Variants in MAN1A2 observed in about 807,000 individuals in gnomAD.
MAN1A2 encodes the protein mannosidase alpha class 1A member 2.
A neutral mutation model predicts 75.7 loss-of-function variants in MAN1A2; 26 were observed. That is an observed-to-expected ratio of 0.34 (90% CI 0.25 to 0.48). The LOEUF (loss-of-function observed/expected upper bound fraction) is 0.48. Ranked by LOEUF, MAN1A2 falls within the 20% of genes least tolerant of loss-of-function variation. The probability of loss-of-function intolerance (pLI) is 0.99; values close to 1 mark genes in which losing one functional copy is unlikely to be tolerated. For missense variants in MAN1A2, 562 were observed against 775.5 expected (o/e 0.72, Z 3.27); for synonymous variants, 247 against 264.6 (o/e 0.93, Z 0.65).
At chr1:117,476,986 A>G (rs1650334217) in intron 8 of MAN1A2, among the ~76,000 whole-genome samples, 1 of 152,112 alleles carries the variant, frequency 6.6e-6, no homozygotes, top group African/African-American at 2.4e-5. Flanking sequence ...CTTCATATTC[A>G]TAAGCATGGA....
chr1:117,405,199 A>G (rs1408498020), intron 2 of MAN1A2, among the ~76,000 whole-genome samples: 1 of 152,168 alleles, frequency 6.6e-6, no homozygotes, highest in Non-Finnish European at 1.5e-5. Context: ...AGGGTGAGTT[A>G]ATTGGTGGTA....
intron 12 of MAN1A2, among the ~76,000 whole-genome samples, chr1:117,519,721 C>T (rs982087011): frequency 2.0e-5 from 3 of 151,946 alleles, no homozygotes; most frequent in African/African-American, 4.8e-5. Context: ...CAGGAACAGA[C>T]GGATTCACAG....
rs182990642 is a variant in MAN1A2, at chr1:117,438,068, T to C, written c.856-4163T>C. On this transcript the variant is annotated intron_variant, in intron 5 of 12. Transcript: ENST00000356554. Reference sequence around the variant, plus strand: ...AATAAGATAGATATGTGAGAGAGCATGTATGTATACACATATACAGTCATG... The same window carrying C: ...AATAAGATAGATATGTGAGAGAGCACGTATGTATACACATATACAGTCATG... Among the ~76,000 whole-genome samples, 108 of 152,330 alleles carry C rather than the reference T, an allele frequency of 7.1e-4. 1 individual carries two copies. The East Asian group carries it at 0.016, about 23-fold the overall frequency.
intron 1 of MAN1A2, among the ~76,000 whole-genome samples, chr1:117,390,479 G>A (rs1229124479): frequency 6.6e-6 from 1 of 151,738 alleles, no homozygotes; most frequent in African/African-American, 2.4e-5. Context: ...TCTCATTGCT[G>A]ATATTGGTAG....
chr1:117,442,154 A>T (rs2306444), intron 5 of MAN1A2, 77 bp from the exon 6 acceptor site: 266,180 of 913,300 alleles, frequency 0.29, 41,600 homozygotes, highest in East Asian at 0.47. Flanking sequence ...TGTGCTATGT[A>T]TACTATGAGA....
intron 6 of MAN1A2, among the ~76,000 whole-genome samples, chr1:117,445,761 A>G (rs1277900544): frequency 2.0e-5 from 3 of 151,010 alleles, no homozygotes; most frequent in African/African-American, 4.9e-5. Flanking sequence ...TCCCGAGCTC[A>G]AGTGATCCTC....
At chr1:117,466,465 T>C (rs1244340694) in intron 8 of MAN1A2, 38 bp downstream of exon 8, 4 of 1,351,188 alleles carry the variant, frequency 3.0e-6, no homozygotes, top group Non-Finnish European at 4.1e-6. Flanking sequence ...TCTTAAAAAA[T>C]TATTTGTCTG....
intron 6 of MAN1A2, among the ~76,000 whole-genome samples, chr1:117,451,364 C>T (rs563040777): frequency 1.3e-5 from 2 of 152,360 alleles, no homozygotes; most frequent in South Asian, 2.1e-4. Context: ...TTTGACTTTA[C>T]AGGCATGTAG....
intron 7 of MAN1A2, among the ~76,000 whole-genome samples, chr1:117,464,301 A>G (rs866271357): frequency 3.3e-5 from 5 of 150,322 alleles, no homozygotes; most frequent in Non-Finnish European, 7.4e-5. Context: ...AGAGGTTGCA[A>G]TGAACTGAGA....
intron 4 of MAN1A2, among the ~76,000 whole-genome samples, chr1:117,417,783 A>G (rs1648054913): frequency 6.6e-6 from 1 of 151,206 alleles, no homozygotes; most frequent in South Asian, 2.1e-4. Flanking sequence ...GATAACCCTA[A>G]GTAGGCAGTT....
Position 117,402,312 on chromosome 1 carries a change from G to A in MAN1A2, c.429G>A (p.Lys143=). The part of the protein sequence containing the change: ...IRAEIQTEKN[K]VVQEMKIKEN... ...CAGAAATTCAGACAGAGAAAAATAA[G>A]GTAGTCCAAGAAATGAAGATAAAAG... is the stretch of plus-strand genomic sequence containing the variant. Residue 143 remains lysine (K), a synonymous_variant, in exon 2 of 13, where the codon AAG becomes AAA. Transcript: ENST00000356554. 1.9e-6 allele frequency: 3 copies of A among 1,613,680 alleles called. No homozygotes were observed. The South Asian group carries it at 3.3e-5, about 18-fold the overall frequency.
intron 6 of MAN1A2, among the ~76,000 whole-genome samples, chr1:117,452,264 G>A (rs868115554): frequency 4.6e-5 from 7 of 151,242 alleles, no homozygotes; most frequent in Non-Finnish European, 7.4e-5. Flanking sequence ...CTAAGATTGC[G>A]CCACTGCACG....
intron 8 of MAN1A2, among the ~76,000 whole-genome samples, chr1:117,476,971 T>C (rs964013213): frequency 6.6e-6 from 1 of 152,124 alleles, no homozygotes; most frequent in African/African-American, 2.4e-5. Flanking sequence ...TTCACGATAT[T>C]GATTCTTCAT....
At chr1:117,463,169 C>T (rs1207180237) in intron 7 of MAN1A2, among the ~76,000 whole-genome samples, 1 of 150,906 alleles carries the variant, frequency 6.6e-6, no homozygotes, top group Non-Finnish European at 1.5e-5. Flanking sequence ...AAAGACAGTA[C>T]AAATTCATCA....
intron 7 of MAN1A2, among the ~76,000 whole-genome samples, chr1:117,464,984 A>G (rs1649938038): frequency 6.6e-6 from 1 of 152,160 alleles, no homozygotes; most frequent in Non-Finnish European, 1.5e-5. Context: ...GTAAAAGAGC[A>G]ATTGAAAATT....
intron 12 of MAN1A2, among the ~76,000 whole-genome samples, chr1:117,504,593 C>G (rs952426147): frequency 6.6e-6 from 1 of 151,320 alleles, no homozygotes; most frequent in African/African-American, 2.4e-5. Context: ...ATAATGTTGT[C>G]TAATATGTAA....
intron 6 of MAN1A2, among the ~76,000 whole-genome samples, chr1:117,453,560 A>G (rs1408293329): frequency 1.3e-5 from 2 of 152,226 alleles, no homozygotes; most frequent in African/African-American, 4.8e-5. Context: ...ATGGGACCAA[A>G]TTACTGCAGT....
chr1:117,384,468 T>C (rs1025206572), intron 1 of MAN1A2, among the ~76,000 whole-genome samples: 4 of 152,180 alleles, frequency 2.6e-5, no homozygotes, highest in Admixed American at 2.0e-4. Flanking sequence ...GAAGATACTT[T>C]GTATGATTTA....
At chr1:117,426,781 CATA>C (rs1322981827) in intron 5 of MAN1A2, among the ~76,000 whole-genome samples, 1 of 152,128 alleles carries the variant, frequency 6.6e-6, no homozygotes. Flanking sequence ...GTCAAACTGT[CATA>C]AGTTAGTGAC....
Sources: gnomAD v4.1 joint callset for allele counts (sites outside exome capture counted in the v4.1 genomes callset) on GRCh38, gnomAD v4.1.1 for gene constraint, MANE v1.5 for transcripts, NCBI Gene and HGNC (gene_info 2026-07-23, HGNC 2026-07-21) for gene names.